Variants in EP400 observed in about 807,000 individuals in gnomAD.
EP400 encodes the protein E1A binding protein p400.
In EP400, 105 loss-of-function variants were observed where a neutral mutation model predicts 354.1. The observed-to-expected ratio is 0.30, with a 90% CI of 0.25 to 0.35. The LOEUF is 0.35. EP400 is among the 10% of genes least tolerant of loss of function. The probability of loss-of-function intolerance (pLI) is 1.00; values close to 1 mark genes in which losing one functional copy is unlikely to be tolerated. For missense variants in EP400, 3,280 were observed against 4,121.0 expected (o/e 0.80, Z 5.59); for synonymous variants, 1,646 against 1,716.9 (o/e 0.96, Z 1.02).
intron 48 of EP400, chr12:132,066,551 G>A (rs1487323088): frequency 7.6e-6 from 4 of 528,852 alleles, no homozygotes; most frequent in Non-Finnish European, 1.3e-5. Flanking sequence ...CATGTGTGAT[G>A]AGCCTGCAGG....
chr12:131,956,873 C>CTT (rs58567170), intron 1 of EP400, among the ~76,000 whole-genome samples: 13,496 of 115,320 alleles, frequency 0.12, 1,399 homozygotes, highest in South Asian at 0.19. Context: ...TTTTTTTGTC[C>CTT]TTTTTTTTTT....
chr12:132,018,484 T>G lies in EP400; in HGVS notation c.4277+108T>G. ...AGGCTGCTAATGTAGTTAGGTTATC[T>G]GCTGCTCTTGGGACCTTGCTGGTGT... On this transcript the variant is annotated intron_variant, in intron 21 of 52. Transcript: ENST00000389561. The surrounding 1 kb of genome is among the most constrained non-coding windows in gnomAD (Gnocchi z 4.0). The G allele has an allele frequency of 7.0e-7, 1 of 1,429,286 alleles. No individual in the cohort carries two copies. Among genetic ancestry groups the G allele is most frequent in the Non-Finnish European group, 9.3e-7 (1 of 1,072,578 alleles). The allele number at this position is 1,429,286 out of a possible 1,614,324, so 88.5% of individuals were successfully genotyped here. A position where few individuals can be genotyped will look rare whatever the true frequency, so the allele number is the denominator to read the frequency against.
chr12:132,058,223 A>G (rs1160207348), intron 45 of EP400, among the ~76,000 whole-genome samples: 1 of 151,736 alleles, frequency 6.6e-6, no homozygotes, highest in African/African-American at 2.4e-5. Context: ...ATGGAACACA[A>G]AAGATATTAA....
At chr12:132,026,515 A>G (rs1327471690) in intron 25 of EP400, among the ~76,000 whole-genome samples, 1 of 152,158 alleles carries the variant, frequency 6.6e-6, no homozygotes, top group East Asian at 1.9e-4. Flanking sequence ...CTTGTTCTCC[A>G]GTCCTGTTAG....
rs137884225 is a variant in EP400 at position 131,984,915 on chromosome 12, CTAAA to C, written c.1930-1595_1930-1592del. Among the ~76,000 whole-genome samples the C allele has an allele frequency of 7.8e-3, 1,185 of 151,984 alleles. 11 individuals carry two copies. The highest frequency in any genetic ancestry group is 0.041 in the Middle Eastern group (12 of 294). ...ATGATTTATTTCACAATTTAGCTCT[CTAAA>C]TAACTTTATATTCTCTCCTTAAGAA... On this transcript the variant is annotated intron_variant, in intron 5 of 52. Coordinates refer to ENST00000389561, the MANE Select transcript of EP400 (RefSeq NM_015409.5).
At chr12:132,010,230 G>A (rs556695219) in intron 15 of EP400, among the ~76,000 whole-genome samples, 3 of 151,960 alleles carry the variant, frequency 2.0e-5, no homozygotes, top group Admixed American at 6.5e-5. Context: ...GGGATTACAG[G>A]CACACGCCAC....
In EP400 at chr12:132,062,160, A is replaced by G; in HGVS notation, c.7935A>G (p.Pro2645=). ...PAQVVHTQPP[P]RAVGSPATAT... ...AGGTGGTGCACACCCAGCCCCCGCC[A>G]CGGGCAGTCGGCTCCCCAGCCACGG... Residue 2645 remains proline (P), a synonymous_variant, in exon 46 of 53, where the codon CCA becomes CCG. Transcript: ENST00000389561. The G allele has an allele frequency of 1.9e-6, 3 of 1,613,952 alleles. No homozygotes were observed. Among genetic ancestry groups the G allele is most frequent in the Non-Finnish European group, 2.5e-6 (3 of 1,179,940 alleles).
At position 132,052,381 on chromosome 12, in the gene EP400, A is replaced by G. The variant is rs1895323704; in HGVS notation, c.7395-765A>G. ...TCTCCGCAAACCCCCAGGACTCCCT[A>G]CTGCCCACGCTCTGAGTCGCCTGGC... On this transcript the variant is annotated intron_variant, in intron 41 of 52. Coordinates refer to ENST00000389561, the MANE Select transcript of EP400 (RefSeq NM_015409.5). The surrounding 1 kb of genome is among the most constrained non-coding windows in gnomAD (Gnocchi z 4.4). Among the ~76,000 whole-genome samples the G allele has an allele frequency of 6.6e-6, 1 of 152,172 alleles. No individual in the cohort carries two copies. Among genetic ancestry groups the G allele is most frequent in the Non-Finnish European group, 1.5e-5 (1 of 68,010 alleles).
intron 50 of EP400, chr12:132,069,127 T>G: frequency 1.4e-5 from 3 of 221,710 alleles, no homozygotes; most frequent in Non-Finnish European, 2.7e-5. Context: ...AGTTTTTACA[T>G]TGGATTTGAG....
chr12:131,991,576 C>CTTT lies in EP400; in HGVS notation c.2679+134_2679+136dup, dbSNP rs878864752. 3.1e-3 allele frequency: 1,865 copies of CTTT among 592,656 alleles called. 18 individuals are homozygous for CTTT. The highest frequency in any genetic ancestry group is 0.03 in the African/African-American group (1,370 of 46,424). The allele number at this position is 592,656 out of a possible 1,614,324, so 36.7% of individuals were successfully genotyped here. The stretch of plus-strand genomic sequence containing the variant: ...CTGTGACTATTACTTCCTTTCTTTT[C>CTTT]TTTTTTTTTTTTTTTTGTTTTAGAG... On this transcript the variant is annotated intron_variant, in intron 10 of 52. Coordinates refer to ENST00000389561, the MANE Select transcript of EP400 (RefSeq NM_015409.5).
At chr12:132,016,351 C>T (rs1472346323) in intron 19 of EP400, among the ~76,000 whole-genome samples, 1 of 152,098 alleles carries the variant, frequency 6.6e-6, no homozygotes, top group Non-Finnish European at 1.5e-5. Flanking sequence ...CTGTGGAGCC[C>T]TCCTGCTTTT....
At chr12:132,009,575 C>T (rs951736130) in intron 15 of EP400, among the ~76,000 whole-genome samples, 4 of 152,076 alleles carry the variant, frequency 2.6e-5, no homozygotes, top group South Asian at 2.1e-4. Flanking sequence ...TGTGAGGGGA[C>T]GGTGGGGGAT....
At chr12:132,061,581 C>G (rs1031526264) in intron 45 of EP400, among the ~76,000 whole-genome samples, 2 of 152,204 alleles carry the variant, frequency 1.3e-5, no homozygotes, top group African/African-American at 4.8e-5. Context: ...GGGGACCACT[C>G]TGGCTGCCAC....
At chr12:132,068,512 C>T (rs982339811) in intron 50 of EP400, 2 of 152,336 alleles carry the variant, frequency 1.3e-5, no homozygotes, top group African/African-American at 4.8e-5. Context: ...CCCAGGGGCC[C>T]TATGGGTGAA....
chr12:131,991,888 A>G (rs1433199967), intron 10 of EP400, among the ~76,000 whole-genome samples: 5 of 152,130 alleles, frequency 3.3e-5, no homozygotes, highest in Non-Finnish European at 5.9e-5. Flanking sequence ...TGCCCCGCCT[A>G]TTACTCCCTT....
chr12:132,037,574 G>A lies in EP400; in HGVS notation c.5952-108G>A, dbSNP rs763977601. The stretch of plus-strand genomic sequence containing the variant: ...CGAAGGCATGTTCTGAGCAGGGGTA[G>A]CTGGAGGAGGGACGTGGATTCGTTG... On this transcript the variant is annotated intron_variant, in intron 30 of 52. Coordinates refer to ENST00000389561, the MANE Select transcript of EP400 (RefSeq NM_015409.5). 10 of 839,904 alleles carry A rather than the reference G, an allele frequency of 1.2e-5. No homozygotes were observed. The East Asian group carries it at 1.3e-4, about 11-fold the overall frequency. The allele number at this position is 839,904 out of a possible 1,614,324, so 52.0% of individuals were successfully genotyped here.
At position 132,066,819 on chromosome 12, in the gene EP400, A is replaced by G. The variant is rs769757387; in HGVS notation, c.8599A>G (p.Thr2867Ala). The G allele has an allele frequency of 2.8e-5, 45 of 1,613,908 alleles. No homozygotes were observed. The highest frequency in any genetic ancestry group is 3.6e-5 in the Non-Finnish European group (43 of 1,179,978). ...GCTGCAGGCGCAAGGGCAGATGCAG[A>G]CCCAGGCACCCCAGCCAGCCCAGGT... The part of the protein sequence containing the change: ...SQLQAQGQMQ[T>A]QAPQPAQVAL... The change falls in exon 49 of 53, where the codon ACC becomes GCC. Residue 2867 changes from threonine to alanine, a missense_variant. By Grantham distance (58) the Thr-to-Ala change is moderately conservative (BLOSUM62 0). Around this residue, in one of 20 missense-constraint regions of EP400, gnomAD observed 279 missense variants for 386.7 expected, o/e 0.72. Transcript: ENST00000389561.
At position 132,008,919 on chromosome 12, in the gene EP400, C is replaced by CTT. The variant is rs774921042; in HGVS notation, c.3304+2064_3304+2065dup. On this transcript the variant is annotated intron_variant, in intron 15 of 52. Transcript: ENST00000389561. ...ACAGGCGTGAGACACCGTGCCCAGCCTTTTTTTTTTTTTTTTTTTTTTTAG... is the reference window on the plus strand; with the variant it reads ...ACAGGCGTGAGACACCGTGCCCAGCCTTTTTTTTTTTTTTTTTTTTTTTTTAG... 2.1e-3 allele frequency among the ~76,000 whole-genome samples: 237 copies of CTT among 114,736 alleles called. 6 individuals carry two copies. Among genetic ancestry groups the CTT allele is most frequent in the African/African-American group, 6.9e-3 (204 of 29,676 alleles). The allele number at this position is 114,736 out of a possible 152,430, so 75.3% of individuals were successfully genotyped here.
rs116858659 is a variant in EP400 at position 132,063,821 on chromosome 12, T to G, written c.8335-847T>G. On this transcript the variant is annotated intron_variant, in intron 47 of 52. Transcript: ENST00000389561. ...CGAGGGCTGCATGGCCATATGTGGCTGTGGCTACCACCCTGGGCAGCCCCC... is the reference window on the plus strand; with the variant it reads ...CGAGGGCTGCATGGCCATATGTGGCGGTGGCTACCACCCTGGGCAGCCCCC... 7.3e-3 allele frequency among the ~76,000 whole-genome samples: 1,117 copies of G among 152,266 alleles called. 30 individuals are homozygous for G. The South Asian group carries it at 0.082, about 11-fold the overall frequency.
Sources: gnomAD v4.1 joint callset for allele counts (sites outside exome capture counted in the v4.1 genomes callset) on GRCh38, gnomAD v4.1.1 for gene constraint, gnomAD v4.1.1 regional missense constraint, Gnocchi (gnomAD v3.1) non-coding constraint, MANE v1.5 for transcripts, NCBI Gene and HGNC (gene_info 2026-07-23, HGNC 2026-07-21) for gene names.